The following INO80 variants were observed in gnomAD, a reference collection of about 807,000 sequenced individuals.
The protein encoded by INO80 is INO80 complex ATPase subunit.
INO80 carries 20 observed loss-of-function variants against 203.4 expected under a neutral mutation model. That is an observed-to-expected ratio of 0.10 (90% CI 0.07 to 0.14). The LOEUF is 0.14. INO80 is among the 10% of genes least tolerant of loss of function. INO80 has a pLI of 1.00. For synonymous variants in INO80, 726 were observed against 685.2 expected, an observed-to-expected ratio of 1.06 and a Z score of -0.93; for missense variants, 1,419 against 1,914.4, an observed-to-expected ratio of 0.74 and a Z score of 4.83.
At chr15:41,037,512 T>G (rs1019415405) in intron 24 of INO80, among the ~76,000 whole-genome samples, 7 of 151,570 alleles carry the variant, frequency 4.6e-5, no homozygotes, top group Non-Finnish European at 8.8e-5. Flanking sequence ...TCCAAAAAAA[T>G]TAATTAATTA....
intron 9 of INO80, 30 bp downstream of exon 9, chr15:41,079,671 G>T: frequency 6.3e-7 from 1 of 1,597,314 alleles, no homozygotes; most frequent in Non-Finnish European, 8.6e-7. Context: ...TAGTAATTAG[G>T]GTTTTCAAAA....
At chr15:41,007,765 CA>C (rs34661844) in intron 27 of INO80, among the ~76,000 whole-genome samples, 4,462 of 134,732 alleles carry the variant, frequency 0.033, 241 homozygotes, top group African/African-American at 0.12. Flanking sequence ...TAAATAGCTT[CA>C]AAAAAAAAAA....
chr15:41,033,326 C>T (rs2044518695), intron 24 of INO80, among the ~76,000 whole-genome samples: 1 of 151,494 alleles, frequency 6.6e-6, no homozygotes, highest in African/African-American at 2.4e-5. Flanking sequence ...ATCTCTGCTG[C>T]CTGAATCAGA....
At chr15:41,113,430 C>A (rs1430095401) in intron 1 of INO80, among the ~76,000 whole-genome samples, 1 of 151,984 alleles carries the variant, frequency 6.6e-6, no homozygotes, top group Admixed American at 6.6e-5. Flanking sequence ...CCACGCCCAG[C>A]TAATTTTTTG....
At chr15:41,110,261 C>G (rs184146680) in intron 1 of INO80, among the ~76,000 whole-genome samples, 1,798 of 151,764 alleles carry the variant, frequency 0.012, 12 homozygotes, top group Middle Eastern at 0.017. Flanking sequence ...TCTACTGCCT[C>G]AGCCTCCCAA....
At position 41,076,433 on chromosome 15, in the gene INO80, T is replaced by C. The variant is rs570239660; in HGVS notation, c.1132-1868A>G. Among the ~76,000 whole-genome samples, 27 of 150,816 alleles carry C rather than the reference T, an allele frequency of 1.8e-4. 1 individual carries two copies. The South Asian group carries it at 4.8e-3, about 27-fold the overall frequency. On this transcript the variant is annotated intron_variant, in intron 9 of 35. Coordinates refer to ENST00000648947, the MANE Select transcript of INO80 (RefSeq NM_017553.3). ...GATAATAATAGCTACAAAAAACGAA[T>C]ATAGACTGAATACACATACATGTGC...
At chr15:41,098,110 A>G (rs1478760294) in intron 1 of INO80, among the ~76,000 whole-genome samples, 1 of 152,202 alleles carries the variant, frequency 6.6e-6, no homozygotes, top group Non-Finnish European at 1.5e-5. Flanking sequence ...TCAGCCTCCC[A>G]AAGTGCAGGG....
chr15:40,985,110 AT>A (rs1173399471), intron 32 of INO80, among the ~76,000 whole-genome samples: 2 of 152,282 alleles, frequency 1.3e-5, no homozygotes, highest in South Asian at 2.1e-4. Context: ...GGTTTCCATA[AT>A]TAAACTGTGA....
intron 4 of INO80, among the ~76,000 whole-genome samples, chr15:41,092,948 T>C (rs575492297): frequency 2.1e-4 from 32 of 152,136 alleles, no homozygotes; most frequent in African/African-American, 5.8e-4. Context: ...GGAGGAAGGA[T>C]TGCTTGACCC....
intron 1 of INO80, among the ~76,000 whole-genome samples, chr15:41,114,398 GAAT>G (rs1424740870): frequency 1.3e-5 from 2 of 152,074 alleles, no homozygotes; most frequent in African/African-American, 4.8e-5. Context: ...AACTAGAACA[GAAT>G]ATTATTTGGC....
chr15:41,064,889 C>A (rs1316531607), intron 14 of INO80, among the ~76,000 whole-genome samples: 1 of 151,902 alleles, frequency 6.6e-6, no homozygotes, highest in Non-Finnish European at 1.5e-5. Context: ...CCCAGTTACA[C>A]GGGAGCTTGA....
At chr15:41,110,389 C>T (rs964962481) in intron 1 of INO80, among the ~76,000 whole-genome samples, 1 of 151,714 alleles carries the variant, frequency 6.6e-6, no homozygotes, top group Non-Finnish European at 1.5e-5. Context: ...ATGATCCACC[C>T]GCCTCAGCCT....
At chr15:41,010,347 C>T (rs2044115504) in intron 27 of INO80, among the ~76,000 whole-genome samples, 1 of 152,060 alleles carries the variant, frequency 6.6e-6, no homozygotes. Flanking sequence ...GATCAGAGAT[C>T]ACAATCAAAA....
intron 29 of INO80, among the ~76,000 whole-genome samples, chr15:40,992,653 T>G (rs1376587198): frequency 1.3e-5 from 2 of 152,240 alleles, no homozygotes; most frequent in Admixed American, 1.3e-4. Flanking sequence ...CAGTATATCC[T>G]CGGAATTAAT....
At chr15:40,994,849 T>C (rs2043861123) in intron 29 of INO80, among the ~76,000 whole-genome samples, 1 of 152,186 alleles carries the variant, frequency 6.6e-6, no homozygotes, top group Non-Finnish European at 1.5e-5. Context: ...AATGAATCAA[T>C]GAATGAATGA....
At chr15:41,023,391 G>T (rs1408565933) in intron 25 of INO80, 1 of 305,398 alleles carries the variant, frequency 3.3e-6, no homozygotes, top group Non-Finnish European at 6.4e-6. Context: ...AGTTTAAAAA[G>T]TAAGTCTAGA....
chr15:41,048,992 AT>A (rs1317654957), intron 21 of INO80, among the ~76,000 whole-genome samples: 1 of 152,224 alleles, frequency 6.6e-6, no homozygotes, highest in African/African-American at 2.4e-5. Context: ...CCACAAACCA[AT>A]TTCAGCAATG....
At chr15:41,034,240 T>C (rs751229283) in intron 24 of INO80, among the ~76,000 whole-genome samples, 11 of 152,140 alleles carry the variant, frequency 7.2e-5, no homozygotes, top group South Asian at 2.1e-4. Flanking sequence ...ATCTTCACCA[T>C]AGGGTGGGTG....
chr15:41,041,503 C>T (rs1003225485), intron 24 of INO80, among the ~76,000 whole-genome samples: 17 of 150,554 alleles, frequency 1.1e-4, no homozygotes, highest in African/African-American at 3.4e-4. Context: ...TGTAATGGCG[C>T]GATCTTGGCT....
Sources: allele counts gnomAD v4.1 joint callset (sites outside exome capture counted in the v4.1 genomes callset), GRCh38; gene constraint gnomAD v4.1.1; transcripts MANE v1.5; gene names NCBI Gene and HGNC (gene_info 2026-07-23, HGNC 2026-07-21).